TACR3: variants seen among roughly 807,000 people sequenced by gnomAD.
TACR3 encodes the protein tachykinin receptor 3.
TACR3 carries 34 observed loss-of-function variants against 35.0 expected under a neutral mutation model. The observed-to-expected ratio is 0.97, with a 90% CI of 0.74 to 1.30. The LOEUF (loss-of-function observed/expected upper bound fraction) is 1.30. TACR3 is among the 50% of genes most tolerant of loss of function. The pLI, the probability that TACR3 is intolerant of heterozygous loss-of-function variation, is 0.00. For synonymous variants in TACR3, 233 were observed against 221.1 expected, an observed-to-expected ratio of 1.05 and a Z score of -0.48; for missense variants, 558 against 591.7, an observed-to-expected ratio of 0.94 and a Z score of 0.59.
chr4:103,627,114 G>A (rs577908172), intron 3 of TACR3, among the ~76,000 whole-genome samples: 14 of 146,514 alleles, frequency 9.6e-5, no homozygotes, highest in African/African-American at 2.5e-4. Flanking sequence ...CTCAGGAGGC[G>A]GAGGTTGCCG....
chr4:103,667,690 G>A lies in TACR3; in HGVS notation c.549-9287C>T, dbSNP rs914681654. ...ACTTTACCACTTATCTTACATGAAT[G>A]TAAGAAATCTGCACTTATAACCCCC... is the stretch of plus-strand genomic sequence containing the variant. On this transcript the variant is annotated intron_variant, in intron 1 of 4. Transcript: ENST00000304883. 7.2e-5 allele frequency among the ~76,000 whole-genome samples: 11 copies of A among 152,238 alleles called. 1 individual carries two copies. The highest frequency in any genetic ancestry group is 5.9e-4 in the Admixed American group (9 of 15,288).
At chr4:103,601,134 G>A (rs1198843719) in intron 3 of TACR3, among the ~76,000 whole-genome samples, 2 of 152,004 alleles carry the variant, frequency 1.3e-5, no homozygotes, top group African/African-American at 4.8e-5. Context: ...TATGAATCTG[G>A]GTGCTCCTGT....
At chr4:103,704,627 T>C (rs1373535110) in intron 1 of TACR3, among the ~76,000 whole-genome samples, 1 of 152,154 alleles carries the variant, frequency 6.6e-6, no homozygotes, top group East Asian at 1.9e-4. Flanking sequence ...AAGAACAGCA[T>C]GGGAGAAACC....
In TACR3 at chr4:103,719,676, C is replaced by G; in HGVS notation, c.-1G>C. On this transcript the variant is annotated 5_prime_UTR_variant, in exon 1 of 5. Coordinates refer to ENST00000304883, the MANE Select transcript of TACR3 (RefSeq NM_001059.3). ...TTTCTGCTGCTGGGAGAGTGGCCAT[C>G]GCCACCGGTCTGCAGTCCCGGACCC... 1 of 1,608,694 alleles carries G rather than the reference C, an allele frequency of 6.2e-7. No individual in the cohort carries two copies. The highest frequency in any genetic ancestry group is 8.5e-7 in the Non-Finnish European group (1 of 1,179,992).
intron 3 of TACR3, among the ~76,000 whole-genome samples, chr4:103,599,075 C>T (rs953802844): frequency 1.3e-5 from 2 of 152,156 alleles, no homozygotes; most frequent in Non-Finnish European, 2.9e-5. Flanking sequence ...ATTGATTCTT[C>T]CTACCCATGA....
Position 103,704,515 on chromosome 4 carries a change from A to G in TACR3, c.548+14613T>C, listed in dbSNP as rs369832655. On this transcript the variant is annotated intron_variant, in intron 1 of 4. Coordinates refer to ENST00000304883, the MANE Select transcript of TACR3 (RefSeq NM_001059.3). ...ACTTACAGTCATGGCAGAAGAGGAAACAGGCACATCTTACATGGTGGCAGG... is the reference window on the plus strand; with the variant it reads ...ACTTACAGTCATGGCAGAAGAGGAAGCAGGCACATCTTACATGGTGGCAGG... Among the ~76,000 whole-genome samples the G allele has an allele frequency of 7.9e-5, 12 of 152,340 alleles. No individual in the cohort carries two copies. In the South Asian group the frequency reaches 2.1e-3, roughly 26 times the overall value.
intron 3 of TACR3, among the ~76,000 whole-genome samples, chr4:103,645,238 G>A: frequency 6.6e-6 from 1 of 151,882 alleles, no homozygotes; most frequent in East Asian, 1.9e-4. Context: ...GGTAGTAAAG[G>A]AAGACAATTG....
intron 2 of TACR3, 91 bp downstream of exon 2, chr4:103,658,124 A>T (rs1274929278): frequency 1.6e-6 from 2 of 1,246,898 alleles, no homozygotes; most frequent in East Asian, 2.4e-5. Context: ...CCTGGGGGAA[A>T]TGTCAGTCTT....
intron 1 of TACR3, among the ~76,000 whole-genome samples, chr4:103,703,020 G>T (rs1289142782): frequency 1.3e-5 from 2 of 151,894 alleles, no homozygotes; most frequent in African/African-American, 4.8e-5. Context: ...CCTGCGCGTT[G>T]TGCACATGTA....
At chr4:103,711,306 G>A (rs1027859084) in intron 1 of TACR3, among the ~76,000 whole-genome samples, 2 of 152,166 alleles carry the variant, frequency 1.3e-5, no homozygotes, top group Non-Finnish European at 2.9e-5. Flanking sequence ...GATCAAGTGG[G>A]CTTCATCCCT....
chr4:103,630,171 C>T (rs1005100856), intron 3 of TACR3, among the ~76,000 whole-genome samples: 3 of 152,158 alleles, frequency 2.0e-5, no homozygotes, highest in African/African-American at 7.2e-5. Flanking sequence ...TTCCTTACAC[C>T]TTATACAAAA....
chr4:103,625,025 AAGAG>A (rs1038655234), intron 3 of TACR3, among the ~76,000 whole-genome samples: 33 of 152,270 alleles, frequency 2.2e-4, no homozygotes, highest in Admixed American at 3.3e-4. Context: ...GAGATTAAAA[AAGAG>A]AGAAACACGC....
intron 1 of TACR3, among the ~76,000 whole-genome samples, chr4:103,688,194 T>C (rs1216521808): frequency 6.6e-6 from 1 of 152,150 alleles, no homozygotes; most frequent in East Asian, 1.9e-4. Flanking sequence ...TGGCTAGCCA[T>C]ATGTAGAAAG....
rs144221883 is a variant in TACR3 at position 103,586,036 on chromosome 4, C to T, written c.*3646G>A. 4 of 151,872 alleles carry T rather than the reference C, an allele frequency of 2.6e-5. No homozygotes were observed. Among genetic ancestry groups the T allele is most frequent in the Non-Finnish European group, 5.9e-5 (4 of 67,952 alleles). 9.4% of individuals were successfully genotyped at this position (151,872 alleles called of 1,614,324 possible). The stretch of plus-strand genomic sequence containing the variant: ...TAGGAAAGTAGTAAGACTTCTTTTA[C>T]TTTTAATATTAGTTTTAATGTTTTT... On this transcript the variant is annotated 3_prime_UTR_variant, in exon 5 of 5. Transcript: ENST00000304883.
At chr4:103,631,433 A>C (rs1725064540) in intron 3 of TACR3, among the ~76,000 whole-genome samples, 1 of 152,128 alleles carries the variant, frequency 6.6e-6, no homozygotes, top group Admixed American at 6.6e-5. Flanking sequence ...CTTCCTATGT[A>C]TTATTTTACT....
chr4:103,644,076 CATTTACTGCCACACATAGAGAGCAGG>C (rs1257794207), intron 3 of TACR3, among the ~76,000 whole-genome samples: 10 of 151,738 alleles, frequency 6.6e-5, no homozygotes, highest in Non-Finnish European at 8.8e-5. Flanking sequence ...AAGTGTTTCA[CATTTACTGCCACACATAGAGAGCAGG>C]ATTTACTGCC....
intron 1 of TACR3, among the ~76,000 whole-genome samples, chr4:103,704,243 G>A (rs1722734372): frequency 6.6e-6 from 1 of 151,910 alleles, no homozygotes; most frequent in Non-Finnish European, 1.5e-5. Context: ...CATGCTGAGG[G>A]CAAAGTTTGT....
chr4:103,701,646 A>G (rs2110223898), intron 1 of TACR3, among the ~76,000 whole-genome samples: 1 of 152,328 alleles, frequency 6.6e-6, no homozygotes, highest in South Asian at 2.1e-4. Flanking sequence ...CTGACTTCGA[A>G]CTATACTACA....
intron 1 of TACR3, among the ~76,000 whole-genome samples, chr4:103,678,886 T>G (rs1171294057): frequency 1.3e-5 from 2 of 151,846 alleles, no homozygotes; most frequent in African/African-American, 4.8e-5. Context: ...GGGCCATAAG[T>G]CTTCTCAGTC....
Sources: gnomAD v4.1 joint callset for allele counts (sites outside exome capture counted in the v4.1 genomes callset) on GRCh38, gnomAD v4.1.1 for gene constraint, MANE v1.5 for transcripts, NCBI Gene and HGNC (gene_info 2026-07-23, HGNC 2026-07-21) for gene names.